The following NUAK2 variants were observed in gnomAD, a reference collection of about 807,000 sequenced individuals.
NUAK2 encodes the protein NUAK family SNF1-like kinase 2.
In NUAK2, 20 loss-of-function variants were observed where a neutral mutation model predicts 29.8. That is an observed-to-expected ratio of 0.67 (90% CI 0.47 to 0.98). The LOEUF (loss-of-function observed/expected upper bound fraction) is 0.98, where lower values mean the gene tolerates loss of function less well. Ranked by LOEUF, NUAK2 falls within the 50% of genes least tolerant of loss-of-function variation. The pLI, the probability that NUAK2 is intolerant of heterozygous loss-of-function variation, is 0.00. For missense variants in NUAK2, 719 were observed against 834.5 expected (o/e 0.86, Z 1.71); for synonymous variants, 331 against 342.6 (o/e 0.97, Z 0.37).
At position 205,321,735 on chromosome 1, in the gene NUAK2, C is replaced by A. The variant is rs966721013; in HGVS notation, c.-107G>T. 4.6e-6 allele frequency: 4 copies of A among 872,622 alleles called. No individual in the cohort carries two copies. In the African/African-American group the frequency reaches 5.0e-5, roughly 11 times the overall value. The allele number at this position is 872,622 out of a possible 1,614,324, so 54.1% of individuals were successfully genotyped here. Reference sequence around the variant, plus strand: ...ACCAGGACGGGGAGCCACAGCAGTACCAGAGCGCGCAGTAAAGCACAGCAT... The same window carrying A: ...ACCAGGACGGGGAGCCACAGCAGTAACAGAGCGCGCAGTAAAGCACAGCAT... On this transcript the variant is annotated 5_prime_UTR_variant, in exon 1 of 7. Coordinates refer to ENST00000367157, the MANE Select transcript of NUAK2 (RefSeq NM_030952.3).
At chr1:205,318,106 G>C (rs973903489) in intron 1 of NUAK2, among the ~76,000 whole-genome samples, 1 of 152,232 alleles carries the variant, frequency 6.6e-6, no homozygotes, top group East Asian at 1.9e-4. Flanking sequence ...AGGTTGCACA[G>C]CTGGTAAGCA....
intron 1 of NUAK2, among the ~76,000 whole-genome samples, chr1:205,319,083 CG>C (rs1329538243): frequency 1.4e-5 from 2 of 145,388 alleles, no homozygotes; most frequent in African/African-American, 2.6e-5. Flanking sequence ...TCTCGATTCA[CG>C]AAGGACAGTC....
chr1:205,304,639 C>A lies in NUAK2; in HGVS notation c.824-126G>T. 1 of 816,918 alleles carries A rather than the reference C, an allele frequency of 1.2e-6. No homozygotes were observed. The highest frequency in any genetic ancestry group is 2.0e-5 in the South Asian group (1 of 50,708). 50.6% of individuals were successfully genotyped at this position (816,918 alleles called of 1,614,324 possible). On this transcript the variant is annotated intron_variant, in intron 6 of 6. Coordinates refer to ENST00000367157, the MANE Select transcript of NUAK2 (RefSeq NM_030952.3). The surrounding 1 kb of genome is among the most constrained non-coding windows in gnomAD (Gnocchi z 6.5). ...TACTCCTGGGTCGGATGCGTCCCTT[C>A]CAACCTAGGGCTCTATACATGCCTT...
chr1:205,308,001 G>A lies in NUAK2; in HGVS notation c.570+164C>T, dbSNP rs1323362569. The A allele has an allele frequency of 1.8e-6, 1 of 566,394 alleles. No homozygotes were observed. Among genetic ancestry groups the A allele is most frequent in the Non-Finnish European group, 3.1e-6 (1 of 318,368 alleles). The allele number at this position is 566,394 out of a possible 1,614,324, so 35.1% of individuals were successfully genotyped here. On this transcript the variant is annotated intron_variant, in intron 4 of 6. Transcript: ENST00000367157. This position sits in a 1 kb window ranked among gnomAD's most constrained non-coding sequence, Gnocchi z 4.1. ...TCCAGCTCTCCATCCACACAATGAG[G>A]TGTTGGAATGGATGATGGCTGAGGT... is the stretch of plus-strand genomic sequence containing the variant.
chr1:205,307,070 T>C (rs1341150203), intron 4 of NUAK2, among the ~76,000 whole-genome samples: 1 of 152,172 alleles, frequency 6.6e-6, no homozygotes, highest in Non-Finnish European at 1.5e-5. Flanking sequence ...CATCTGATAT[T>C]GAGGGCTTGA....
chr1:205,306,443 C>G, intron 4 of NUAK2, 136 bp from the exon 5 acceptor site: 1 of 1,100,660 alleles, frequency 9.1e-7, no homozygotes, highest in Non-Finnish European at 1.3e-6. Flanking sequence ...ACCCTTACCC[C>G]ACACTGAGCA....
chr1:205,311,163 G>T (rs746358842), intron 2 of NUAK2, among the ~76,000 whole-genome samples: 42 of 152,174 alleles, frequency 2.8e-4, no homozygotes, highest in Non-Finnish European at 5.4e-4. Flanking sequence ...CAGAGAAGAG[G>T]AGGCCAAGAA....
intron 1 of NUAK2, among the ~76,000 whole-genome samples, chr1:205,313,879 T>A (rs1029777389): frequency 6.6e-6 from 1 of 152,166 alleles, no homozygotes; most frequent in Non-Finnish European, 1.5e-5. Flanking sequence ...GACTTCCTCT[T>A]ATGGGGGTAG....
intron 5 of NUAK2, chr1:205,305,642 G>A: frequency 2.6e-6 from 1 of 380,824 alleles, no homozygotes; most frequent in South Asian, 1.1e-4. Flanking sequence ...AATGAGGAAT[G>A]TGAGGGAGGC....
At chr1:205,309,788 T>C (rs1662231685) in intron 2 of NUAK2, among the ~76,000 whole-genome samples, 1 of 152,174 alleles carries the variant, frequency 6.6e-6, no homozygotes, top group Admixed American at 6.5e-5. Context: ...ATCTCTGACT[T>C]CCATCCAGAG....
chr1:205,303,804 T>C lies in NUAK2; in HGVS notation c.1533A>G (p.Thr511=). The C allele has an allele frequency of 6.3e-7, 1 of 1,588,502 alleles. No individual in the cohort carries two copies. The highest frequency in any genetic ancestry group is 8.6e-7 in the Non-Finnish European group (1 of 1,166,826). ...ILKLNGKFSQ[T]ALELAAPTTF... ...TGGTGGGGGCCGCGAGCTCCAAGGC[T>C]GTCTGGGAGAACTTGCCATTGAGTT... Residue 511 remains threonine (T), a synonymous_variant, in exon 7 of 7, where the codon ACA becomes ACG. Transcript: ENST00000367157.
At chr1:205,318,651 T>A (rs1471370250) in intron 1 of NUAK2, among the ~76,000 whole-genome samples, 1 of 152,210 alleles carries the variant, frequency 6.6e-6, no homozygotes, top group Non-Finnish European at 1.5e-5. Context: ...ATGCAGATCA[T>A]CCAAAGGCTT....
In NUAK2 at chr1:205,308,137, G is replaced by C; in HGVS notation, c.570+28C>G. On this transcript the variant is annotated intron_variant, in intron 4 of 6. Transcript: ENST00000367157. This position sits in a 1 kb window ranked among gnomAD's most constrained non-coding sequence, Gnocchi z 4.1. ...CAGAAAAGCTGGGGTGGGCAAGGAG[G>C]CTTCTAGAAATAAGAAGTGGGACTC... 6.6e-7 allele frequency: 1 copy of C among 1,514,532 alleles called. No homozygotes were observed. The highest frequency in any genetic ancestry group is 9.1e-7 in the Non-Finnish European group (1 of 1,094,760). 93.8% of individuals were successfully genotyped at this position (1,514,532 alleles called of 1,614,324 possible).
chr1:205,307,045 C>A (rs1252462071), intron 4 of NUAK2, among the ~76,000 whole-genome samples: 2 of 152,158 alleles, frequency 1.3e-5, no homozygotes, highest in Non-Finnish European at 2.9e-5. Context: ...GGTTACAGCC[C>A]AAGACTCCCT....
chr1:205,319,708 T>C (rs544490146), intron 1 of NUAK2, among the ~76,000 whole-genome samples: 1 of 152,242 alleles, frequency 6.6e-6, no homozygotes, highest in Non-Finnish European at 1.5e-5. Flanking sequence ...GATTGCCCAA[T>C]AGCTGTAACC....
At chr1:205,305,104 C>T in intron 6 of NUAK2, 95 bp downstream of exon 6, 1 of 1,492,302 alleles carries the variant, frequency 6.7e-7, no homozygotes, top group Non-Finnish European at 9.1e-7. Flanking sequence ...TGGACTGTTG[C>T]CCGTTTGACT....
rs1662131245 is a variant in NUAK2 at position 205,303,902 on chromosome 1, C to T, written c.1435G>A (p.Val479Met). 1 of 1,613,968 alleles carries T rather than the reference C, an allele frequency of 6.2e-7. No individual in the cohort carries two copies. The highest frequency in any genetic ancestry group is 1.3e-5 in the African/African-American group (1 of 74,954). ...TTCTGCTCCTTGGGATCCCCACTCA[C>T]AAACACGTCGCCTGCGTCCAAGAGC... ...GELLDAGDVFVSGDPKEQKPP... is the reference protein window; with the variant it reads ...GELLDAGDVFMSGDPKEQKPP... The change falls in exon 7 of 7, where the codon GTG (valine) becomes ATG (methionine). Residue 479 changes from valine to methionine, a missense_variant. This residue lies in a region of NUAK2 where 430 missense variants were observed against 465.7 expected (regional missense o/e 0.92). Transcript: ENST00000367157.
At chr1:205,312,681 A>G (rs577799766) in intron 1 of NUAK2, among the ~76,000 whole-genome samples, 8 of 152,294 alleles carry the variant, frequency 5.3e-5, no homozygotes, top group Admixed American at 2.0e-4. Context: ...ACATGCCTGT[A>G]GTCCCAGCTA....
intron 2 of NUAK2, among the ~76,000 whole-genome samples, chr1:205,309,768 A>T (rs1381514062): frequency 6.6e-6 from 1 of 152,222 alleles, no homozygotes; most frequent in Non-Finnish European, 1.5e-5. Context: ...GAGCTGAGAT[A>T]TCCATCACCA....
Sources: gnomAD v4.1 joint callset for allele counts (sites outside exome capture counted in the v4.1 genomes callset) on GRCh38, gnomAD v4.1.1 for gene constraint, gnomAD v4.1.1 regional missense constraint, Gnocchi (gnomAD v3.1) non-coding constraint, MANE v1.5 for transcripts, NCBI Gene and HGNC (gene_info 2026-07-23, HGNC 2026-07-21) for gene names.